RRBP1: variants seen among roughly 807,000 people sequenced by gnomAD.
RRBP1 encodes ribosome-binding protein 1.
RRBP1 carries 94 observed loss-of-function variants against 165.2 expected under a neutral mutation model. That is an observed-to-expected ratio of 0.57 (90% confidence interval 0.48 to 0.68). The LOEUF is 0.68. Ranked by LOEUF, RRBP1 falls within the 30% of genes least tolerant of loss-of-function variation. The pLI, the probability that RRBP1 is intolerant of heterozygous loss-of-function variation, is 0.00. For missense variants in RRBP1, 1,676 were observed against 1,763.0 expected (o/e 0.95, Z 0.88); for synonymous variants, 680 against 714.5 (o/e 0.95, Z 0.77).
At chr20:17,664,831 C>A (rs1006057712) in intron 2 of RRBP1, among the ~76,000 whole-genome samples, 4 of 152,126 alleles carry the variant, frequency 2.6e-5, no homozygotes, top group African/African-American at 9.7e-5. Flanking sequence ...AGAAAACCAA[C>A]CCCCAGATCC....
At chr20:17,656,189 A>G (rs2036642425) in intron 3 of RRBP1, among the ~76,000 whole-genome samples, 1 of 152,348 alleles carries the variant, frequency 6.6e-6, no homozygotes, top group African/African-American at 2.4e-5. Context: ...TCCAAGAAAG[A>G]ACTTTCCCCA....
rs2036394389 is a variant in RRBP1, at chr20:17,642,974, C to A, written c.2061+5G>T. ...TGAGCATGGCCAGCAGGAGGGTGGG[C>A]CCACCTTGTGCCAGGTGTCCTGAAT... On this transcript the variant is annotated splice_donor_5th_base_variant and intron_variant, in intron 4 of 24. Coordinates refer to ENST00000377813, the MANE Select transcript of RRBP1 (RefSeq NM_001365613.2). 1 of 1,612,910 alleles carries A rather than the reference C, an allele frequency of 6.2e-7. No individual in the cohort carries two copies. Among genetic ancestry groups the A allele is most frequent in the African/African-American group, 1.3e-5 (1 of 75,022 alleles).
In RRBP1 at chr20:17,619,717, G is replaced by A; in HGVS notation, c.3591C>T (p.His1197=). The change falls in exon 19 of 25, where the codon CAC becomes CAT. Residue 1197 remains histidine, a synonymous_variant. Coordinates refer to ENST00000377813, the MANE Select transcript of RRBP1 (RefSeq NM_001365613.2). ...CCAGCTCTGCCTCCAAATGCGACGT[G>A]TGCTCCCTCACCTGGACAGATGCAC... ...ELESSDQVRE[H]TSHLEAELEK... is the part of the protein sequence containing the mutation. 1 of 1,611,810 alleles carries A rather than the reference G, an allele frequency of 6.2e-7. No individual in the cohort carries two copies. The highest frequency in any genetic ancestry group is 1.1e-5 in the South Asian group (1 of 90,856).
intron 21 of RRBP1, 106 bp from the exon 22 acceptor site, chr20:17,616,115 T>G: frequency 2.2e-6 from 2 of 915,210 alleles, no homozygotes; most frequent in Non-Finnish European, 3.3e-6. Context: ...GCTTCCCCTT[T>G]CCCTGCCCCA....
In RRBP1 at chr20:17,633,669, G is replaced by A. The variant is rs895760607; in HGVS notation, c.2457-56C>T. On this transcript the variant is annotated intron_variant, in intron 7 of 24. Transcript: ENST00000377813. ...AAAGAAAAGGGTGATGGGATCGGTGGTCCAAGCCCTCCCTCCAGGACTCCA... is the reference window on the plus strand; with the variant it reads ...AAAGAAAAGGGTGATGGGATCGGTGATCCAAGCCCTCCCTCCAGGACTCCA... 3.6e-5 allele frequency: 57 copies of A among 1,576,674 alleles called. No individual in the cohort carries two copies. In the African/African-American group the frequency reaches 6.9e-4, roughly 19 times the overall value.
chr20:17,616,480 C>T (rs1303235785), intron 21 of RRBP1, among the ~76,000 whole-genome samples: 2 of 152,188 alleles, frequency 1.3e-5, no homozygotes, highest in African/African-American at 2.4e-5. Flanking sequence ...AGGTGCAGAC[C>T]CCAAATCACG....
chr20:17,664,683 A>C (rs2036836263), intron 2 of RRBP1, among the ~76,000 whole-genome samples: 1 of 152,204 alleles, frequency 6.6e-6, no homozygotes, highest in South Asian at 2.1e-4. Context: ...AGTTGGGTCC[A>C]ATTTGGCAGC....
intron 9 of RRBP1, among the ~76,000 whole-genome samples, 191 bp from the exon 10 acceptor site, chr20:17,627,873 C>T (rs2036060997): frequency 1.3e-5 from 2 of 152,200 alleles, no homozygotes; most frequent in African/African-American, 4.8e-5. Flanking sequence ...AAGAAAGTGC[C>T]ACTCTGGCAT....
intron 5 of RRBP1, among the ~76,000 whole-genome samples, chr20:17,639,894 CAAAAAAAAA>C (rs11476981): frequency 1.0e-5 from 1 of 98,794 alleles, no homozygotes; most frequent in African/African-American, 3.9e-5. Flanking sequence ...ACTCCAGTCT[CAAAAAAAAA>C]AAAAAAAAAA....
intron 3 of RRBP1, among the ~76,000 whole-genome samples, chr20:17,651,560 G>A (rs942472084): frequency 2.0e-5 from 3 of 152,190 alleles, no homozygotes; most frequent in African/African-American, 7.2e-5. Flanking sequence ...ACGGAAAGAT[G>A]TCACCAACAC....
intron 3 of RRBP1, among the ~76,000 whole-genome samples, chr20:17,646,071 G>A (rs1600755842): frequency 6.6e-6 from 1 of 152,138 alleles, no homozygotes; most frequent in Non-Finnish European, 1.5e-5. Context: ...CAGGGGCCAG[G>A]CCCTGCAGGA....
At chr20:17,676,306 G>C (rs772743650) in intron 2 of RRBP1, among the ~76,000 whole-genome samples, 13 of 152,336 alleles carry the variant, frequency 8.5e-5, no homozygotes, top group Middle Eastern at 3.4e-3. Context: ...AGAGCTGATG[G>C]GACCTGCTGC....
In RRBP1 at chr20:17,621,727, A is replaced by C; in HGVS notation, c.3287T>G (p.Leu1096Arg). 1 of 1,613,774 alleles carries C rather than the reference A, an allele frequency of 6.2e-7. No individual in the cohort carries two copies. Among genetic ancestry groups the C allele is most frequent in the Non-Finnish European group, 8.5e-7 (1 of 1,180,010 alleles). ...LQDLKEKGPTLLKHPPAPAEP... is the reference protein window; with the variant it reads ...LQDLKEKGPTRLKHPPAPAEP... ...CGCGGGAGCTGGCGGGTGCTTCAGC[A>C]GCGTGGGGCCTTTCTCTTTGAGATC... The change falls in exon 15 of 25, where the codon CTG becomes CGG. Residue 1096 changes from leucine to arginine, a missense_variant. Physicochemically the swap from Leu to Arg is moderately radical, Grantham distance 102 (BLOSUM62 -2). Transcript: ENST00000377813.
chr20:17,650,241 C>G (rs1416134546), intron 3 of RRBP1, among the ~76,000 whole-genome samples: 2 of 152,156 alleles, frequency 1.3e-5, no homozygotes, highest in African/African-American at 4.8e-5. Context: ...ATAATCCTAC[C>G]TCCCAAAGGT....
chr20:17,652,243 T>C (rs1410638108), intron 3 of RRBP1, among the ~76,000 whole-genome samples: 6 of 152,350 alleles, frequency 3.9e-5, no homozygotes, highest in Admixed American at 3.9e-4. Flanking sequence ...GTCTCTGCAC[T>C]GTGTAAAGGG....
intron 19 of RRBP1, chr20:17,618,948 A>G (rs2035855207): frequency 8.8e-6 from 4 of 454,108 alleles, no homozygotes; most frequent in Admixed American, 3.4e-5. Flanking sequence ...AAAAGGGCCA[A>G]AAGTTGGAGA....
chr20:17,654,285 G>A lies in RRBP1; in HGVS notation c.1912+4311C>T, dbSNP rs77631629. 2.6e-3 allele frequency among the ~76,000 whole-genome samples: 396 copies of A among 152,330 alleles called. 7 individuals carry two copies. The East Asian group carries it at 0.061, about 24-fold the overall frequency. On this transcript the variant is annotated intron_variant, in intron 3 of 24. Coordinates refer to ENST00000377813, the MANE Select transcript of RRBP1 (RefSeq NM_001365613.2). Reference sequence around the variant, plus strand: ...GATGGAACTGGTGGCAGCAGGTGCTGAGTGTGAAGCATCTTAAGCCAGAGT... The same window carrying A: ...GATGGAACTGGTGGCAGCAGGTGCTAAGTGTGAAGCATCTTAAGCCAGAGT...
At chr20:17,617,040 G>A (rs2035815172) in intron 20 of RRBP1, among the ~76,000 whole-genome samples, 1 of 152,182 alleles carries the variant, frequency 6.6e-6, no homozygotes, top group South Asian at 2.1e-4. Flanking sequence ...AAGCCTCTGG[G>A]CTAATGAGAC....
chr20:17,628,984 C>A (rs760637299), intron 9 of RRBP1, among the ~76,000 whole-genome samples: 1 of 151,860 alleles, frequency 6.6e-6, no homozygotes, highest in East Asian at 1.9e-4. Context: ...CCATCCCCGA[C>A]AGAAACAGTT....
Sources: allele counts gnomAD v4.1 joint callset (sites outside exome capture counted in the v4.1 genomes callset), GRCh38; gene constraint gnomAD v4.1.1; transcripts MANE v1.5; gene names NCBI Gene and HGNC (gene_info 2026-07-23, HGNC 2026-07-21).